SGMS1: variants seen among roughly 807,000 people sequenced by gnomAD.
The protein encoded by SGMS1 is phosphatidylcholine:ceramide cholinephosphotransferase 1.
A neutral mutation model predicts 46.2 loss-of-function variants in SGMS1; 13 were observed. That is an observed-to-expected ratio of 0.28 (90% CI 0.18 to 0.45). The LOEUF (loss-of-function observed/expected upper bound fraction) is 0.45, where lower values mean the gene tolerates loss of function less well. Among genes scored for constraint, SGMS1 ranks in the 20% least tolerant of loss-of-function variants. The pLI is 1.00. For synonymous variants in SGMS1, 203 were observed against 187.8 expected, an observed-to-expected ratio of 1.08 and a Z score of -0.66; for missense variants, 324 against 519.9, an observed-to-expected ratio of 0.62 and a Z score of 3.66.
At chr10:50,367,593 G>C (rs1848366687) in intron 6 of SGMS1, among the ~76,000 whole-genome samples, 1 of 152,082 alleles carries the variant, frequency 6.6e-6, no homozygotes, top group Non-Finnish European at 1.5e-5. Context: ...AGCACATGTA[G>C]ATCTCTACCT....
At chr10:50,315,508 T>C (rs971939690) in intron 8 of SGMS1, among the ~76,000 whole-genome samples, 2 of 152,238 alleles carry the variant, frequency 1.3e-5, no homozygotes, top group African/African-American at 4.8e-5. Context: ...CAGGAAACTC[T>C]GGACTGGGTC....
At chr10:50,427,203 C>T (rs1849337776) in intron 6 of SGMS1, among the ~76,000 whole-genome samples, 1 of 152,146 alleles carries the variant, frequency 6.6e-6, no homozygotes, top group Non-Finnish European at 1.5e-5. Flanking sequence ...TAGAGACAAT[C>T]CTGGCTAACA....
chr10:50,487,569 CG>C (rs774252659), intron 3 of SGMS1, among the ~76,000 whole-genome samples: 3 of 152,092 alleles, frequency 2.0e-5, no homozygotes, highest in Non-Finnish European at 2.9e-5. Flanking sequence ...ATTTTGTACA[CG>C]TTTTTTATGC....
intron 6 of SGMS1, among the ~76,000 whole-genome samples, chr10:50,427,407 C>T (rs573989563): frequency 2.6e-5 from 4 of 152,058 alleles, no homozygotes; most frequent in Non-Finnish European, 5.9e-5. Flanking sequence ...ACAACAACAA[C>T]CAAAAAGAAC....
intron 7 of SGMS1, among the ~76,000 whole-genome samples, chr10:50,328,538 T>C (rs1458700970): frequency 3.9e-5 from 6 of 152,244 alleles, no homozygotes; most frequent in African/African-American, 1.2e-4. Flanking sequence ...CTTGTGTGAT[T>C]AAAAATTAAT....
chr10:50,436,815 G>A (rs1427558492), intron 5 of SGMS1, among the ~76,000 whole-genome samples: 1 of 151,812 alleles, frequency 6.6e-6, no homozygotes, highest in East Asian at 1.9e-4. Context: ...AGACACAGTT[G>A]TTTGATTCTT....
At chr10:50,416,341 A>G (rs909385736) in intron 6 of SGMS1, among the ~76,000 whole-genome samples, 1 of 152,240 alleles carries the variant, frequency 6.6e-6, no homozygotes, top group African/African-American at 2.4e-5. Flanking sequence ...CTTCAACTAT[A>G]AAACAGGGTC....
intron 4 of SGMS1, among the ~76,000 whole-genome samples, chr10:50,464,092 G>A (rs1469809504): frequency 6.6e-6 from 1 of 152,150 alleles, no homozygotes; most frequent in African/African-American, 2.4e-5. Context: ...AACATAAAAT[G>A]TTCTAGAGAG....
At chr10:50,377,564 G>A (rs555531952) in intron 6 of SGMS1, among the ~76,000 whole-genome samples, 12 of 152,228 alleles carry the variant, frequency 7.9e-5, no homozygotes, top group Non-Finnish European at 1.3e-4. Flanking sequence ...TTTCTGGTAC[G>A]CCATACTTCT....
chr10:50,624,937 C>T (rs1247406644), upstream of SGMS1: 1 of 1,016,956 alleles, frequency 9.8e-7, no homozygotes, highest in South Asian at 3.1e-5. Context: ...CTGTCCGCGG[C>T]GCTCCGGGCA....
intron 2 of SGMS1, among the ~76,000 whole-genome samples, chr10:50,527,785 T>C (rs1230272415): frequency 1.3e-5 from 2 of 152,182 alleles, no homozygotes; most frequent in African/African-American, 4.8e-5. Flanking sequence ...TCTGTCACCT[T>C]GAAGAGCCAT....
chr10:50,449,649 G>A (rs1285101933), intron 5 of SGMS1, among the ~76,000 whole-genome samples: 1 of 151,904 alleles, frequency 6.6e-6, no homozygotes, highest in Non-Finnish European at 1.5e-5. Context: ...ACGTGTGTGT[G>A]TGTGTGTGTG....
At chr10:50,522,847 G>A (rs751033998) in intron 2 of SGMS1, among the ~76,000 whole-genome samples, 3 of 152,044 alleles carry the variant, frequency 2.0e-5, no homozygotes, top group Non-Finnish European at 2.9e-5. Context: ...CTCTGGTACC[G>A]CCATTCTGTT....
chr10:50,371,628 ACC>A (rs1330525467), intron 6 of SGMS1, among the ~76,000 whole-genome samples: 1 of 151,940 alleles, frequency 6.6e-6, no homozygotes, highest in African/African-American at 2.4e-5. Flanking sequence ...CACCTAGAAC[ACC>A]TCCACCCTAT....
intron 5 of SGMS1, among the ~76,000 whole-genome samples, chr10:50,439,188 C>T (rs1849511701): frequency 6.6e-6 from 1 of 152,254 alleles, no homozygotes; most frequent in South Asian, 2.1e-4. Flanking sequence ...ATATGGGCGC[C>T]TTAAAAACCA....
chr10:50,479,826 G>T (rs1837460216), intron 3 of SGMS1, among the ~76,000 whole-genome samples: 1 of 151,886 alleles, frequency 6.6e-6, no homozygotes, highest in Non-Finnish European at 1.5e-5. Context: ...TGGATGTATG[G>T]ATATTTCTCA....
chr10:50,481,187 A>G (rs1837473458), intron 3 of SGMS1, among the ~76,000 whole-genome samples: 1 of 152,270 alleles, frequency 6.6e-6, no homozygotes, highest in Non-Finnish European at 1.5e-5. Context: ...AGAGGCAGCC[A>G]GAGTGCTTCA....
At chr10:50,538,381 C>T (rs1779935782) in intron 2 of SGMS1, among the ~76,000 whole-genome samples, 2 of 151,406 alleles carry the variant, frequency 1.3e-5, no homozygotes, top group African/African-American at 4.9e-5. Flanking sequence ...TGGCATGAAC[C>T]CGGGAGGCGG....
chr10:50,346,737 A>G (rs1047015487), intron 6 of SGMS1, among the ~76,000 whole-genome samples: 2 of 151,904 alleles, frequency 1.3e-5, no homozygotes, highest in African/African-American at 4.8e-5. Context: ...GTCTTACTCT[A>G]TTGCCCAGGC....
Sources: allele counts gnomAD v4.1 joint callset (sites outside exome capture counted in the v4.1 genomes callset), GRCh38; gene constraint gnomAD v4.1.1; transcripts MANE v1.5; gene names NCBI Gene and HGNC (gene_info 2026-07-23, HGNC 2026-07-21).